Variants in NME7 observed in about 807,000 individuals in gnomAD.
The protein encoded by NME7 is NME/NM23 family member 7.
In NME7, 41 loss-of-function variants were observed where a neutral mutation model predicts 49.1. The observed-to-expected ratio is 0.83, with a 90% CI of 0.65 to 1.08. The LOEUF is 1.08. Among genes scored for constraint, NME7 ranks in the 50% least tolerant of loss-of-function variants. The probability of loss-of-function intolerance (pLI) is 0.00; values close to 1 mark genes in which losing one functional copy is unlikely to be tolerated. For missense variants in NME7, 423 were observed against 463.4 expected (o/e 0.91, Z 0.80); for synonymous variants, 139 against 150.6 (o/e 0.92, Z 0.56).
intron 10 of NME7, among the ~76,000 whole-genome samples, chr1:169,218,161 T>C (rs1268232040): frequency 1.3e-5 from 2 of 152,212 alleles, no homozygotes; most frequent in Non-Finnish European, 2.9e-5. Flanking sequence ...TTCCCTTTTA[T>C]TTCTTATGTA....
intron 7 of NME7, among the ~76,000 whole-genome samples, chr1:169,254,903 G>C (rs1480199017): frequency 7.7e-6 from 1 of 130,146 alleles, no homozygotes; most frequent in East Asian, 3.7e-4. Context: ...CTGAGTTCTA[G>C]TTTGATTGCA....
intron 10 of NME7, among the ~76,000 whole-genome samples, chr1:169,190,340 A>G (rs1311108744): frequency 6.6e-6 from 1 of 151,256 alleles, no homozygotes; most frequent in Non-Finnish European, 1.5e-5. Flanking sequence ...AAAGGATGTT[A>G]CAAAGTAGTA....
intron 7 of NME7, among the ~76,000 whole-genome samples, chr1:169,282,752 G>A (rs1650076626): frequency 2.0e-5 from 3 of 152,160 alleles, no homozygotes; most frequent in Admixed American, 1.3e-4. Context: ...CATGTATTTT[G>A]TGCAGTTTTG....
chr1:169,135,886 A>T (rs1015653743), intron 11 of NME7, among the ~76,000 whole-genome samples: 51 of 152,060 alleles, frequency 3.4e-4, no homozygotes, highest in Non-Finnish European at 5.4e-4. Context: ...TCATTTAGTC[A>T]CAAAGGCATC....
intron 5 of NME7, among the ~76,000 whole-genome samples, chr1:169,301,568 T>C (rs943553048): frequency 6.6e-6 from 1 of 152,182 alleles, no homozygotes; most frequent in Non-Finnish European, 1.5e-5. Context: ...ATTCCATTAC[T>C]GGGTATATAC....
At position 169,205,930 on chromosome 1, in the gene NME7, A is replaced by G. The variant is rs533199160; in HGVS notation, c.990+24788T>C. Among the ~76,000 whole-genome samples, 4 of 152,150 alleles carry G rather than the reference A, an allele frequency of 2.6e-5. No homozygotes were observed. In the East Asian group the frequency reaches 7.7e-4, roughly 29 times the overall value. ...CTGTCCTCCTGACTTCTTCCAATAT[A>G]CTAAGCATACTCCAGCTTTGGCACT... is the stretch of plus-strand genomic sequence containing the variant. On this transcript the variant is annotated intron_variant, in intron 10 of 11. Coordinates refer to ENST00000367811, the MANE Select transcript of NME7 (RefSeq NM_013330.5).
intron 2 of NME7, among the ~76,000 whole-genome samples, chr1:169,323,835 C>CTTT (rs33970981): frequency 1.1e-4 from 9 of 84,256 alleles, no homozygotes; most frequent in African/African-American, 1.4e-4. Context: ...CCATTTCAGT[C>CTTT]TTTTTTTTTT....
At chr1:169,210,500 C>T (rs1485981082) in intron 10 of NME7, among the ~76,000 whole-genome samples, 1 of 152,090 alleles carries the variant, frequency 6.6e-6, no homozygotes, top group African/African-American at 2.4e-5. Context: ...CATTGGTATT[C>T]ATCTAGAAAC....
At chr1:169,360,898 T>G (rs1419484424) in intron 1 of NME7, among the ~76,000 whole-genome samples, 2 of 152,210 alleles carry the variant, frequency 1.3e-5, no homozygotes, top group Non-Finnish European at 2.9e-5. Flanking sequence ...TTAAAGAGTT[T>G]TATCATCAAA....
chr1:169,345,469 TG>T (rs1302154638), intron 1 of NME7, among the ~76,000 whole-genome samples: 1 of 151,844 alleles, frequency 6.6e-6, no homozygotes, highest in Non-Finnish European at 1.5e-5. Context: ...TGGCCTCAAG[TG>T]ATTCTCTAAC....
chr1:169,178,023 T>C (rs1211725954), intron 10 of NME7, among the ~76,000 whole-genome samples: 1 of 152,012 alleles, frequency 6.6e-6, no homozygotes, highest in Non-Finnish European at 1.5e-5. Flanking sequence ...GTATTTTTAG[T>C]AGAGACGAGG....
intron 10 of NME7, among the ~76,000 whole-genome samples, chr1:169,200,929 C>T (rs1660529804): frequency 6.6e-6 from 1 of 152,104 alleles, no homozygotes; most frequent in Non-Finnish European, 1.5e-5. Flanking sequence ...ATAAAACTGA[C>T]ATTATAAACA....
intron 10 of NME7, among the ~76,000 whole-genome samples, chr1:169,173,365 G>A (rs1183441924): frequency 6.6e-6 from 1 of 152,012 alleles, no homozygotes; most frequent in African/African-American, 2.4e-5. Context: ...TATAAGTTTA[G>A]ATTAGATCAT....
rs2101843913 is a variant in NME7, at chr1:169,169,467, G to A, written c.1078C>T (p.Pro360Ser). The A allele has an allele frequency of 1.9e-6, 3 of 1,613,296 alleles. No homozygotes were observed. Among genetic ancestry groups the A allele is most frequent in the Non-Finnish European group, 1.7e-6 (2 of 1,179,530 alleles). ...CTTACCTCTAATAGGCCATCCTCTG[G>A]CAGATCAGTACAGTGAACAGCATTC... ...IQNAVHCTDL[P>S]EDGLLEVQYF... The change falls in exon 11 of 12, where the codon CCA becomes TCA. Residue 360 changes from proline (P) to serine (S), a missense_variant. Transcript: ENST00000367811.
intron 4 of NME7, 104 bp downstream of exon 4, chr1:169,309,866 T>C: frequency 1.5e-6 from 1 of 689,390 alleles, no homozygotes; most frequent in South Asian, 2.0e-5. Flanking sequence ...TTCTTTGTCA[T>C]TCAATACGAG....
At chr1:169,205,558 C>T (rs1429294671) in intron 10 of NME7, among the ~76,000 whole-genome samples, 2 of 152,022 alleles carry the variant, frequency 1.3e-5, no homozygotes, top group African/African-American at 4.8e-5. Flanking sequence ...ATTCTTTTTC[C>T]GTTTTATTGG....
At chr1:169,193,361 G>A (rs1660289079) in intron 10 of NME7, among the ~76,000 whole-genome samples, 1 of 152,080 alleles carries the variant, frequency 6.6e-6, no homozygotes, top group Non-Finnish European at 1.5e-5. Flanking sequence ...AAACGCCTTA[G>A]TAATTACATC....
chr1:169,347,057 G>A (rs2101970269), intron 1 of NME7, among the ~76,000 whole-genome samples: 1 of 152,178 alleles, frequency 6.6e-6, no homozygotes, highest in East Asian at 1.9e-4. Flanking sequence ...GTAATAATAT[G>A]TGTTATAGCC....
chr1:169,238,477 G>GCACACACACACACACACACA (rs138287537), intron 7 of NME7, among the ~76,000 whole-genome samples: 2 of 124,066 alleles, frequency 1.6e-5, no homozygotes, highest in African/African-American at 5.8e-5. Context: ...ATGCACAAAG[G>GCACACACACACACACACACA]CACACACACA....
Sources: allele counts gnomAD v4.1 joint callset (sites outside exome capture counted in the v4.1 genomes callset), GRCh38; gene constraint gnomAD v4.1.1; transcripts MANE v1.5; gene names NCBI Gene and HGNC (gene_info 2026-07-23, HGNC 2026-07-21).